The following FCGRT variants were observed in gnomAD, a reference collection of about 807,000 sequenced individuals.
The protein encoded by FCGRT is IgG receptor FcRn large subunit p51.
A neutral mutation model predicts 35.7 loss-of-function variants in FCGRT; 13 were observed. The observed-to-expected ratio is 0.36, with a 90% CI of 0.24 to 0.58. The LOEUF (loss-of-function observed/expected upper bound fraction) is 0.58, where lower values mean the gene tolerates loss of function less well. Ranked by LOEUF, FCGRT falls within the 20% of genes least tolerant of loss-of-function variation. FCGRT has a pLI of 0.77. For synonymous variants in FCGRT, 233 were observed against 216.5 expected, an observed-to-expected ratio of 1.08 and a Z score of -0.67; for missense variants, 455 against 474.9, an observed-to-expected ratio of 0.96 and a Z score of 0.39.
chr19:49,519,183 C>T (rs940310037), intron 4 of FCGRT, among the ~76,000 whole-genome samples: 54 of 152,112 alleles, frequency 3.6e-4, no homozygotes, highest in African/African-American at 1.3e-3. Context: ...GCAAATATTT[C>T]TTCCACTCTC....
At position 49,526,219 on chromosome 19, in the gene FCGRT, T is replaced by C. The variant is rs146090505; in HGVS notation, c.*100T>C. The C allele has an allele frequency of 1.5e-3, 1,212 of 800,078 alleles. 14 individuals are homozygous for C. The African/African-American group carries it at 0.018, about 12-fold the overall frequency. The allele number at this position is 800,078 out of a possible 1,614,324, so 49.6% of individuals were successfully genotyped here. The stretch of plus-strand genomic sequence containing the variant: ...GCATCTCTGAGCCTCCAGAAGGGGT[T>C]CTGGGCCTAGTTGTCCTCCCTCTGG... On this transcript the variant is annotated 3_prime_UTR_variant, in exon 7 of 7. Transcript: ENST00000221466.
rs769515663 is a variant in FCGRT at position 49,524,557 on chromosome 19, G to A, written c.652G>A (p.Val218Met). 7 of 1,613,014 alleles carry A rather than the reference G, an allele frequency of 4.3e-6. No individual in the cohort carries two copies. The East Asian group carries it at 8.9e-5, about 21-fold the overall frequency. ...CCGACCCAGCAGCCCTGGCTTTTCC[G>A]TGCTTACCTGCAGCGCCTTCTCCTT... ...KARPSSPGFS[V>M]LTCSAFSFYP... Residue 218 changes from valine to methionine, a missense_variant, in exon 5 of 7, where the codon GTG (valine) becomes ATG (methionine). By Grantham distance (21) the Val-to-Met change is conservative. Around this residue, in one of 3 missense-constraint regions of FCGRT, gnomAD observed 312 missense variants for 296.1 expected, o/e 1.05. Transcript: ENST00000221466.
Position 49,514,378 on chromosome 19 carries a change from C to A in FCGRT, c.493C>A (p.Gln165Lys). ...GGCCCTGGCTATCAGTCAGCGGTGG[C>A]AGCAGCAGGACAAGGCGGCCAACAA... Reference protein sequence around the residue: ...PEALAISQRWQQQDKAANKEL... With the variant: ...PEALAISQRWKQQDKAANKEL... Residue 165 changes from glutamine to lysine, a missense_variant, in exon 4 of 7, where the codon CAG becomes AAG. By Grantham distance (53) the Gln-to-Lys change is moderately conservative. Coordinates refer to ENST00000221466, the MANE Select transcript of FCGRT (RefSeq NM_001136019.3). 12 of 1,612,282 alleles carry A rather than the reference C, an allele frequency of 7.4e-6. No individual in the cohort carries two copies. Among genetic ancestry groups the A allele is most frequent in the Non-Finnish European group, 1.0e-5 (12 of 1,179,074 alleles).
At chr19:49,519,870 G>C (rs147228041) in intron 4 of FCGRT, among the ~76,000 whole-genome samples, 1 of 131,614 alleles carries the variant, frequency 7.6e-6, no homozygotes, top group African/African-American at 3.0e-5. Context: ...TTGCTCTGTC[G>C]CCCAGGCTGG....
intron 5 of FCGRT, chr19:49,525,207 C>T: frequency 3.8e-6 from 2 of 527,830 alleles, no homozygotes; most frequent in Non-Finnish European, 7.0e-6. Flanking sequence ...CCCCACTGCA[C>T]TGGCACAGCC....
intron 4 of FCGRT, among the ~76,000 whole-genome samples, chr19:49,518,024 C>G (rs1249840896): frequency 6.6e-6 from 1 of 152,150 alleles, no homozygotes; most frequent in Admixed American, 6.6e-5. Flanking sequence ...CGGGATTTCA[C>G]TATGTTGGCC....
intron 4 of FCGRT, 88 bp downstream of exon 4, chr19:49,514,574 G>A: frequency 7.9e-7 from 1 of 1,267,552 alleles, no homozygotes; most frequent in Non-Finnish European, 1.1e-6. Context: ...CCCTCCATCA[G>A]CCTCCCACTG....
chr19:49,525,635 A>C (rs1176531702), intron 6 of FCGRT, 62 bp downstream of exon 6: 3 of 1,193,068 alleles, frequency 2.5e-6, no homozygotes, highest in Non-Finnish European at 3.7e-6. Context: ...AGAGGGGCAC[A>C]CAGACCTGGG....
At chr19:49,516,035 A>T (rs1159165365) in intron 4 of FCGRT, 1 of 360,482 alleles carries the variant, frequency 2.8e-6, no homozygotes, top group Non-Finnish European at 5.4e-6. Flanking sequence ...GTTGGCCAAG[A>T]GCATTTGCAC....
chr19:49,513,296 C>A, intron 1 of FCGRT, 91 bp from the exon 2 acceptor site: 1 of 520,400 alleles, frequency 1.9e-6, no homozygotes, highest in Non-Finnish European at 3.0e-6. Context: ...AGCCCCTCCT[C>A]GGCGTCCTGG....
chr19:49,524,716 C>T lies in FCGRT; in HGVS notation c.811C>T (p.His271Tyr). 1.2e-6 allele frequency: 2 copies of T among 1,602,582 alleles called. No homozygotes were observed. The highest frequency in any genetic ancestry group is 1.7e-6 in the Non-Finnish European group (2 of 1,179,920). Residue 271 changes from histidine to tyrosine, a missense_variant, in exon 5 of 7, where the codon CAC becomes TAC. Coordinates refer to ENST00000221466, the MANE Select transcript of FCGRT (RefSeq NM_001136019.3). ...ACTAACAGTCAAAAGTGGCGATGAG[C>T]ACCACTACTGCTGCATTGTGCAGCA... ...SSLTVKSGDE[H>Y]HYCCIVQHAG... is the part of the protein sequence containing the mutation.
At chr19:49,517,621 C>T (rs561866090) in intron 4 of FCGRT, among the ~76,000 whole-genome samples, 62 of 152,234 alleles carry the variant, frequency 4.1e-4, no homozygotes, top group African/African-American at 1.4e-3. Context: ...TTGAATTTCA[C>T]GCACATCCTC....
chr19:49,524,682 C>T lies in FCGRT; in HGVS notation c.777C>T (p.Ala259=), dbSNP rs760525488. The part of the protein sequence containing the change: ...FGPNSDGSFH[A]SSSLTVKSGD... Reference sequence around the variant, plus strand: ...CCAACAGTGACGGATCCTTCCACGCCTCGTCGTCACTAACAGTCAAAAGTG... The same window carrying T: ...CCAACAGTGACGGATCCTTCCACGCTTCGTCGTCACTAACAGTCAAAAGTG... The change falls in exon 5 of 7, where the codon GCC becomes GCT. Residue 259 remains alanine, a synonymous_variant. Transcript: ENST00000221466. The T allele has an allele frequency of 6.2e-7, 1 of 1,604,158 alleles. No homozygotes were observed. The highest frequency in any genetic ancestry group is 1.7e-5 in the Admixed American group (1 of 60,016).
rs2080076424 is a variant in FCGRT at position 49,526,169 on chromosome 19, T to C, written c.*50T>C. 8.2e-7 allele frequency: 1 copy of C among 1,220,382 alleles called. No individual in the cohort carries two copies. The highest frequency in any genetic ancestry group is 1.2e-6 in the Non-Finnish European group (1 of 823,890). 75.6% of individuals were successfully genotyped at this position (1,220,382 alleles called of 1,614,324 possible). On this transcript the variant is annotated 3_prime_UTR_variant, in exon 7 of 7. Transcript: ENST00000221466. ...AGCGAATGTAGTCAGGCCCCTTTCA[T>C]GCTGTGAGACCTCCTGGAACACTGG...
intron 1 of FCGRT, among the ~76,000 whole-genome samples, chr19:49,512,986 C>T (rs1160191730): frequency 1.8e-5 from 2 of 108,648 alleles, no homozygotes; most frequent in Admixed American, 9.0e-5. Context: ...GTTGGGGGCC[C>T]GGACTCCTGG....
chr19:49,516,419 G>T (rs951573041), intron 4 of FCGRT, among the ~76,000 whole-genome samples: 50 of 124,424 alleles, frequency 4.0e-4, no homozygotes, highest in Admixed American at 1.1e-3. Context: ...ATTTTTGTTT[G>T]TTTTTTTTTT....
Position 49,513,462 on chromosome 19 carries a change from G to T in FCGRT, c.62G>T (p.Ser21Ile). 8.0e-7 allele frequency: 1 copy of T among 1,244,126 alleles called. No individual in the cohort carries two copies. The highest frequency in any genetic ancestry group is 1.0e-6 in the Non-Finnish European group (1 of 988,242). The allele number at this position is 1,244,126 out of a possible 1,614,324, so 77.1% of individuals were successfully genotyped here. The change falls in exon 2 of 7, where the codon AGC (serine) becomes ATC (isoleucine). Residue 21 changes from serine to isoleucine, a missense_variant. Ser to Ile is a moderately radical substitution (Grantham distance 142). Coordinates refer to ENST00000221466, the MANE Select transcript of FCGRT (RefSeq NM_001136019.3). ...LGLLLFLLPGSLGAESHLSLL... is the reference protein window; with the variant it reads ...LGLLLFLLPGILGAESHLSLL... ...CTCCTGCTCTTTCTCCTTCCTGGGA[G>T]CCTGGGCGCAGGTGAGGGCCGCTCC...
chr19:49,513,513 C>A (rs1296703369), intron 2 of FCGRT, 40 bp downstream of exon 2: 2 of 1,166,186 alleles, frequency 1.7e-6, no homozygotes, highest in Non-Finnish European at 1.1e-6. Flanking sequence ...TGCAGGCGGG[C>A]GGCGGGAGGC....
chr19:49,518,427 G>A (rs2080021416), intron 4 of FCGRT, among the ~76,000 whole-genome samples: 1 of 149,734 alleles, frequency 6.7e-6, no homozygotes, highest in Non-Finnish European at 1.5e-5. Flanking sequence ...GTCCAGTGGT[G>A]CAATCATAGC....
Sources: gnomAD v4.1 joint callset for allele counts (sites outside exome capture counted in the v4.1 genomes callset) on GRCh38, gnomAD v4.1.1 for gene constraint, gnomAD v4.1.1 regional missense constraint, MANE v1.5 for transcripts, NCBI Gene and HGNC (gene_info 2026-07-23, HGNC 2026-07-21) for gene names.